Variants in DGLUCY observed in about 807,000 individuals in gnomAD.
The protein encoded by DGLUCY is D-glutamate cyclase, mitochondrial.
Under a neutral mutation model 58.5 loss-of-function variants are expected in DGLUCY, and 58 were observed. The ratio of observed to expected loss-of-function variants is 0.99; its 90% confidence interval spans 0.80 to 1.23. DGLUCY has a LOEUF of 1.23. Among genes scored for constraint, DGLUCY ranks in the 50% most tolerant of loss-of-function variants. The pLI is 0.00. For missense variants in DGLUCY, 779 were observed against 784.7 expected (o/e 0.99, Z 0.09); for synonymous variants, 325 against 314.1 (o/e 1.03, Z -0.37).
intron 11 of DGLUCY, 69 bp downstream of exon 11, chr14:91,199,974 T>A: frequency 6.3e-7 from 1 of 1,582,248 alleles, no homozygotes. Context: ...GTTGTTGTTG[T>A]TATGGAGTCT....
intron 1 of DGLUCY, among the ~76,000 whole-genome samples, chr14:91,088,058 G>T (rs1451795453): frequency 1.3e-5 from 2 of 152,096 alleles, no homozygotes; most frequent in Admixed American, 1.3e-4. Flanking sequence ...GAGGAGCTGG[G>T]CAGGCAAAGG....
chr14:91,102,743 ATG>A (rs548653144), intron 1 of DGLUCY, among the ~76,000 whole-genome samples: 3,456 of 130,582 alleles, frequency 0.026, 129 homozygotes, highest in African/African-American at 0.086. Context: ...TCCAGTGTGT[ATG>A]TGTGTGTGTG....
intron 13 of DGLUCY, among the ~76,000 whole-genome samples, chr14:91,217,301 A>AGGGCGTGGAAGGTCTGGGGAGAT (rs1886687938): frequency 6.6e-6 from 1 of 151,930 alleles, no homozygotes. Context: ...GTTGTGGGAG[A>AGGGCGTGGAAGGTCTGGGGAGAT]GGGCGTGGAA....
intron 1 of DGLUCY, among the ~76,000 whole-genome samples, chr14:91,108,955 T>C (rs2044648415): frequency 6.6e-6 from 1 of 152,028 alleles, no homozygotes; most frequent in Admixed American, 6.6e-5. Flanking sequence ...AGGAAATGGA[T>C]TGTGATGCCC....
At chr14:91,071,748 G>C (rs2043923195) in intron 1 of DGLUCY, among the ~76,000 whole-genome samples, 1 of 151,280 alleles carries the variant, frequency 6.6e-6, no homozygotes, top group African/African-American at 2.4e-5. Flanking sequence ...GGTGCCTGTA[G>C]TCCCAGCTAC....
chr14:91,135,235 A>G (rs1712906151), intron 1 of DGLUCY, among the ~76,000 whole-genome samples: 1 of 151,950 alleles, frequency 6.6e-6, no homozygotes, highest in Admixed American at 6.6e-5. Flanking sequence ...TGCCTTACAC[A>G]TTTTTATTTG....
chr14:91,064,622 CAAAAA>C (rs35830145), intron 1 of DGLUCY, among the ~76,000 whole-genome samples: 4 of 57,618 alleles, frequency 6.9e-5, no homozygotes, highest in African/African-American at 2.5e-4. Context: ...GACTCTGTCT[CAAAAA>C]AAAAAAAAAA....
At chr14:91,130,549 G>A (rs1276535113) in intron 1 of DGLUCY, among the ~76,000 whole-genome samples, 3 of 151,936 alleles carry the variant, frequency 2.0e-5, no homozygotes, top group African/African-American at 7.3e-5. Context: ...CTTGTGATCC[G>A]CCCTCCTTGG....
At chr14:91,067,339 T>G (rs1323192800) in intron 1 of DGLUCY, among the ~76,000 whole-genome samples, 1 of 152,126 alleles carries the variant, frequency 6.6e-6, no homozygotes, top group Non-Finnish European at 1.5e-5. Context: ...AGGGCCTCAC[T>G]TGGCGTAAGC....
intron 4 of DGLUCY, among the ~76,000 whole-genome samples, chr14:91,169,402 T>C (rs1269171264): frequency 6.6e-6 from 1 of 151,314 alleles, no homozygotes; most frequent in East Asian, 1.9e-4. Context: ...ACTTTTCTTC[T>C]TCTTCTTTTT....
chr14:91,180,501 G>GGTT (rs1222885695), intron 7 of DGLUCY, among the ~76,000 whole-genome samples: 1 of 151,124 alleles, frequency 6.6e-6, no homozygotes, highest in Non-Finnish European at 1.5e-5. Flanking sequence ...GAACCCAGGA[G>GGTT]GCAGAGGTTG....
At chr14:91,106,384 C>T (rs1331925886), upstream of DGLUCY, among the ~76,000 whole-genome samples, 2 of 151,720 alleles carry the variant, frequency 1.3e-5, no homozygotes, top group African/African-American at 4.8e-5. Context: ...TTATATGGCA[C>T]ATGACTGTAT....
intron 1 of DGLUCY, among the ~76,000 whole-genome samples, chr14:91,121,953 C>G (rs2045390939): frequency 6.6e-6 from 1 of 152,120 alleles, no homozygotes. Flanking sequence ...ACAGAGTGCT[C>G]AACACATTTG....
At chr14:91,102,308 C>T (rs141153457) in intron 1 of DGLUCY, among the ~76,000 whole-genome samples, 239 of 152,172 alleles carry the variant, frequency 1.6e-3, no homozygotes, top group African/African-American at 5.5e-3. Context: ...CTCTGTGAGG[C>T]GATGGATGAA....
chr14:91,074,497 A>G (rs914653591), intron 1 of DGLUCY, among the ~76,000 whole-genome samples: 1 of 151,696 alleles, frequency 6.6e-6, no homozygotes, highest in African/African-American at 2.4e-5. Context: ...ACAAAAAAAG[A>G]ATGAAGGTAA....
intron 13 of DGLUCY, among the ~76,000 whole-genome samples, chr14:91,221,185 C>T (rs1056041753): frequency 6.6e-6 from 1 of 152,256 alleles, no homozygotes; most frequent in African/African-American, 2.4e-5. Context: ...CAGCCCAGGG[C>T]ATAGCAGCCA....
intron 1 of DGLUCY, among the ~76,000 whole-genome samples, chr14:91,118,252 A>C (rs1262134893): frequency 6.6e-6 from 1 of 151,592 alleles, no homozygotes; most frequent in African/African-American, 2.4e-5. Flanking sequence ...CGCCTGGCTA[A>C]TTTTTGTATT....
At chr14:91,131,969 T>C (rs1433254937) in intron 1 of DGLUCY, among the ~76,000 whole-genome samples, 1 of 152,118 alleles carries the variant, frequency 6.6e-6, no homozygotes, top group East Asian at 1.9e-4. Context: ...AATTTTGTAT[T>C]TTTAGTAGAG....
At chr14:91,172,208 CCA>C (rs2048607512) in intron 5 of DGLUCY, among the ~76,000 whole-genome samples, 1 of 152,096 alleles carries the variant, frequency 6.6e-6, no homozygotes, top group African/African-American at 2.4e-5. Flanking sequence ...GTAGCTGGGA[CCA>C]TAGGCATGTG....
Sources: gnomAD v4.1 joint callset for allele counts (sites outside exome capture counted in the v4.1 genomes callset) on GRCh38, gnomAD v4.1.1 for gene constraint, MANE v1.5 for transcripts, NCBI Gene and HGNC (gene_info 2026-07-23, HGNC 2026-07-21) for gene names.